EPC1: variants seen among roughly 807,000 people sequenced by gnomAD.
The protein encoded by EPC1 is enhancer of polycomb 1, also known as enhancer of polycomb homolog 1.
EPC1 carries 12 observed loss-of-function variants against 98.4 expected under a neutral mutation model. That is an observed-to-expected ratio of 0.12 (90% CI 0.08 to 0.20). EPC1 has a LOEUF of 0.20. Among genes scored for constraint, EPC1 ranks in the 10% least tolerant of loss-of-function variants. The pLI is 1.00. For synonymous variants in EPC1, 357 were observed against 363.9 expected, an observed-to-expected ratio of 0.98 and a Z score of 0.21; for missense variants, 729 against 990.5, an observed-to-expected ratio of 0.74 and a Z score of 3.54.
intron 1 of EPC1, among the ~76,000 whole-genome samples, chr10:32,342,684 C>T (rs1838442457): frequency 6.6e-6 from 1 of 152,160 alleles, no homozygotes; most frequent in Non-Finnish European, 1.5e-5. Context: ...CAAATCTCCT[C>T]CCCAAACCAG....
intron 13 of EPC1, among the ~76,000 whole-genome samples, chr10:32,270,407 C>T (rs1231603679): frequency 6.6e-6 from 1 of 152,186 alleles, no homozygotes; most frequent in Non-Finnish European, 1.5e-5. Context: ...AATTCTACAA[C>T]ATAATAGAGC....
chr10:32,292,515 G>C lies in EPC1; in HGVS notation c.796C>G (p.Leu266Val), dbSNP rs1370185332. ...CATTACCTCTTTTCCATAATTTCCA[G>C]TGTTAAGTGCAATAGCTCTCTTTTA... The part of the protein sequence containing the change: ...KSKRELLHLT[L>V]EIMEKRYNLG... The change falls in exon 5 of 14, where the codon CTG becomes GTG. Residue 266 changes from leucine to valine, a missense_variant. By Grantham distance (32) the Leu-to-Val change is conservative. This residue lies in a region of EPC1 where 39 missense variants were observed against 94.9 expected (regional missense o/e 0.41). Coordinates refer to ENST00000319778, the MANE Select transcript of EPC1 (RefSeq NM_001272004.3). The C allele has an allele frequency of 6.3e-7, 1 of 1,577,188 alleles. No homozygotes were observed. The highest frequency in any genetic ancestry group is 1.4e-5 in the African/African-American group (1 of 73,046).
At chr10:32,288,861 G>A (rs972490797) in intron 6 of EPC1, among the ~76,000 whole-genome samples, 11 of 152,100 alleles carry the variant, frequency 7.2e-5, no homozygotes, top group Admixed American at 3.3e-4. Context: ...AGGCCAAGGC[G>A]GGAGGATCAT....
At chr10:32,275,657 C>A (rs1304964191) in intron 10 of EPC1, among the ~76,000 whole-genome samples, 3 of 151,766 alleles carry the variant, frequency 2.0e-5, no homozygotes, top group Non-Finnish European at 1.5e-5. Context: ...TGCCTGTAGT[C>A]CCAGCTAGTT....
In EPC1 at chr10:32,271,903, A is replaced by T; in HGVS notation, c.2020T>A (p.Leu674Ile). 1 of 1,613,894 alleles carries T rather than the reference A, an allele frequency of 6.2e-7. No homozygotes were observed. Among genetic ancestry groups the T allele is most frequent in the South Asian group, 1.1e-5 (1 of 91,084 alleles). Residue 674 changes from leucine (L) to isoleucine (I), a missense_variant, in exon 13 of 14, where the codon TTA becomes ATA. By Grantham distance (5) the Leu-to-Ile change is conservative. Around this residue, in one of 6 missense-constraint regions of EPC1, gnomAD observed 156 missense variants for 188.9 expected, o/e 0.83. Coordinates refer to ENST00000319778, the MANE Select transcript of EPC1 (RefSeq NM_001272004.3). ...VLPASGVYKG[L>I]HLSSTTPTAL... ...GTTGGTGTAGTACTACTGAGGTGTA[A>T]GCCCTTGTATACTCCTAGAGAGAAA...
At chr10:32,315,243 AT>A (rs1836486485) in intron 1 of EPC1, among the ~76,000 whole-genome samples, 1 of 152,328 alleles carries the variant, frequency 6.6e-6, no homozygotes, top group African/African-American at 2.4e-5. Context: ...ATAAAATACC[AT>A]TGTCAAAAGA....
Position 32,305,949 on chromosome 10 carries a change from C to T in EPC1, c.154-18G>A, listed in dbSNP as rs762823757. 6.3e-7 allele frequency: 1 copy of T among 1,587,136 alleles called. No individual in the cohort carries two copies. Among genetic ancestry groups the T allele is most frequent in the African/African-American group, 1.4e-5 (1 of 73,284 alleles). On this transcript the variant is annotated intron_variant, in intron 1 of 13. Coordinates refer to ENST00000319778, the MANE Select transcript of EPC1 (RefSeq NM_001272004.3). ...TGATGTTCCTAAAAAGAAGAAAAAA[C>T]AGGTAAGTTCATGTATTTTTAAAAA...
upstream of EPC1, among the ~76,000 whole-genome samples, chr10:32,348,283 A>G (rs1003123206): frequency 6.6e-6 from 1 of 151,278 alleles, no homozygotes; most frequent in African/African-American, 2.5e-5. Context: ...TGTTGTTAAT[A>G]GGGAAGATTG....
chr10:32,293,011 T>C lies in EPC1; in HGVS notation c.643A>G (p.Thr215Ala). 1 of 1,593,432 alleles carries C rather than the reference T, an allele frequency of 6.3e-7. No individual in the cohort carries two copies. Among genetic ancestry groups the C allele is most frequent in the Non-Finnish European group, 8.5e-7 (1 of 1,170,084 alleles). Residue 215 changes from threonine to alanine, a missense_variant, in exon 4 of 14, where the codon ACT becomes GCT. Thr to Ala is a moderately conservative substitution (Grantham distance 58). Around this residue, in one of 6 missense-constraint regions of EPC1, gnomAD observed 39 missense variants for 94.9 expected, o/e 0.41. Coordinates refer to ENST00000319778, the MANE Select transcript of EPC1 (RefSeq NM_001272004.3). ...ACTTTTCGAGTCTGCATTTTTTCAGTACGCCTTCTAAAAGCCACATAAGGA... is the reference window on the plus strand; with the variant it reads ...ACTTTTCGAGTCTGCATTTTTTCAGCACGCCTTCTAAAAGCCACATAAGGA... ...NDPYVAFRRR[T>A]EKMQTRKNRK... is the part of the protein sequence containing the mutation.
At chr10:32,324,776 G>A (rs549576758) in intron 1 of EPC1, among the ~76,000 whole-genome samples, 23 of 152,146 alleles carry the variant, frequency 1.5e-4, no homozygotes, top group Middle Eastern at 6.8e-3. Context: ...GGCGGATCAC[G>A]AGGTCAGGAG....
intron 10 of EPC1, among the ~76,000 whole-genome samples, chr10:32,277,648 C>T (rs1346891717): frequency 6.6e-6 from 1 of 152,084 alleles, no homozygotes; most frequent in Non-Finnish European, 1.5e-5. Context: ...CAGCCTTGAC[C>T]TCCTTGGGCT....
At chr10:32,283,038 A>G (rs1390122906) in intron 10 of EPC1, 1 of 152,182 alleles carries the variant, frequency 6.6e-6, no homozygotes, top group East Asian at 1.9e-4. Context: ...ATAAGCTGTT[A>G]GTCCCTAAAA....
At chr10:32,298,193 T>C (rs1041526981) in intron 2 of EPC1, among the ~76,000 whole-genome samples, 30 of 152,216 alleles carry the variant, frequency 2.0e-4, no homozygotes, top group African/African-American at 7.0e-4. Flanking sequence ...GTATTTGACA[T>C]CTTTGCCTTA....
chr10:32,311,019 GA>G (rs1396254574), intron 1 of EPC1, among the ~76,000 whole-genome samples: 3 of 152,022 alleles, frequency 2.0e-5, no homozygotes, highest in African/African-American at 4.8e-5. Context: ...TAAAGAACAG[GA>G]AAAAAACCAG....
intron 9 of EPC1, 152 bp downstream of exon 9, chr10:32,286,542 A>T (rs534588005): frequency 2.2e-6 from 2 of 912,036 alleles, no homozygotes; most frequent in East Asian, 5.3e-5. Context: ...ACCAGGCAGC[A>T]CAGCAACAAA....
intron 1 of EPC1, among the ~76,000 whole-genome samples, chr10:32,326,930 C>T (rs992747871): frequency 6.7e-6 from 1 of 148,816 alleles, no homozygotes; most frequent in African/African-American, 2.5e-5. Context: ...AAAAAGAACT[C>T]TCACACACTG....
chr10:32,333,197 G>A (rs956040448), intron 1 of EPC1, among the ~76,000 whole-genome samples: 5 of 152,114 alleles, frequency 3.3e-5, no homozygotes, highest in African/African-American at 4.8e-5. Context: ...AAATTTAGCC[G>A]GGCATGGTGG....
intron 11 of EPC1, 146 bp from the exon 12 acceptor site, chr10:32,272,313 A>G: frequency 1.6e-6 from 1 of 606,136 alleles, no homozygotes; most frequent in Non-Finnish European, 2.8e-6. Flanking sequence ...CTTGAGATGC[A>G]ACAGTAATTA....
At chr10:32,352,131 G>A (rs1320615021), upstream of EPC1, among the ~76,000 whole-genome samples, 22 of 141,968 alleles carry the variant, frequency 1.5e-4, no homozygotes, top group Admixed American at 3.0e-4. Context: ...TGCAACCTCC[G>A]CCTCCCAGGT....
Sources: allele counts gnomAD v4.1 joint callset (sites outside exome capture counted in the v4.1 genomes callset), GRCh38; gene constraint gnomAD v4.1.1; regional missense constraint gnomAD v4.1.1; transcripts MANE v1.5; gene names NCBI Gene and HGNC (gene_info 2026-07-23, HGNC 2026-07-21).